The following NRXN3 variants were observed in gnomAD, a reference collection of about 807,000 sequenced individuals.
The protein encoded by NRXN3 is neurexin 3, also known as neurexin III.
Under a neutral mutation model 137.6 loss-of-function variants are expected in NRXN3, and 32 were observed. The observed-to-expected ratio is 0.23, with a 90% CI of 0.18 to 0.31. The LOEUF is 0.31. Among genes scored for constraint, NRXN3 ranks in the 10% least tolerant of loss-of-function variants. NRXN3 has a pLI of 1.00. For synonymous variants in NRXN3, 798 were observed against 784.5 expected (o/e 1.02, Z -0.29); for missense variants, 1,574 against 2,062.5 (o/e 0.76, Z 4.59).
intron 8 of NRXN3, among the ~76,000 whole-genome samples, chr14:78,778,680 TTC>T (rs1364037935): frequency 1.3e-5 from 1 of 77,678 alleles, no homozygotes; most frequent in Non-Finnish European, 2.8e-5. Flanking sequence ...CTCTTTTCTT[TTC>T]TTTCTTTCTT....
chr14:78,625,139 C>T (rs2097445021), intron 4 of NRXN3, among the ~76,000 whole-genome samples: 1 of 152,224 alleles, frequency 6.6e-6, no homozygotes, highest in African/African-American at 2.4e-5. Flanking sequence ...CGCACCTGGT[C>T]CCTGTTCCTT....
At chr14:78,663,372 A>C (rs1182489962) in intron 6 of NRXN3, among the ~76,000 whole-genome samples, 2 of 152,106 alleles carry the variant, frequency 1.3e-5, no homozygotes, top group Middle Eastern at 3.2e-3. Context: ...TATTTCTTTC[A>C]CCTTGCCATT....
intron 4 of NRXN3, among the ~76,000 whole-genome samples, chr14:78,421,393 C>A (rs958437586): frequency 6.6e-6 from 1 of 151,996 alleles, no homozygotes; most frequent in African/African-American, 2.4e-5. Flanking sequence ...TTCCACTGGT[C>A]TAACAAGGAG....
At chr14:79,417,518 G>T (rs2095514153) in intron 15 of NRXN3, among the ~76,000 whole-genome samples, 1 of 152,068 alleles carries the variant, frequency 6.6e-6, no homozygotes, top group Non-Finnish European at 1.5e-5. Flanking sequence ...TGCTGCTGCT[G>T]CTACCATGGC....
intron 4 of NRXN3, among the ~76,000 whole-genome samples, chr14:78,419,963 A>G (rs868819686): frequency 2.5e-3 from 78 of 31,092 alleles, no homozygotes; most frequent in Middle Eastern, 0.016. Context: ...GCGCGCACGC[A>G]CACACACACA....
chr14:79,002,415 G>A (rs1264741036), intron 15 of NRXN3, among the ~76,000 whole-genome samples: 8 of 152,000 alleles, frequency 5.3e-5, no homozygotes, highest in Admixed American at 5.2e-4. Context: ...TCCTCTCCCT[G>A]TGTCCACGTG....
chr14:79,757,152 C>T (rs921689090), intron 19 of NRXN3, among the ~76,000 whole-genome samples: 2 of 152,134 alleles, frequency 1.3e-5, no homozygotes, highest in Admixed American at 1.3e-4. Context: ...CTCTCCAAGC[C>T]GTCTGATTAA....
intron 19 of NRXN3, among the ~76,000 whole-genome samples, chr14:79,772,977 A>G (rs2099083941): frequency 6.6e-6 from 1 of 152,246 alleles, no homozygotes; most frequent in South Asian, 2.1e-4. Context: ...GGATATGAAC[A>G]GACACTTCTC....
At chr14:79,095,943 C>T (rs1291743340) in intron 15 of NRXN3, among the ~76,000 whole-genome samples, 1 of 152,076 alleles carries the variant, frequency 6.6e-6, no homozygotes, top group Non-Finnish European at 1.5e-5. Context: ...AAGAGTACTT[C>T]CTATGCTGGA....
chr14:78,892,790 G>A (rs941139224), intron 10 of NRXN3, among the ~76,000 whole-genome samples: 2 of 147,376 alleles, frequency 1.4e-5, no homozygotes, highest in African/African-American at 5.3e-5. Context: ...GTGTGTGTGT[G>A]TGTGTGTGTG....
chr14:78,237,528 A>T (rs1285719407), intron 1 of NRXN3, among the ~76,000 whole-genome samples: 2 of 152,128 alleles, frequency 1.3e-5, no homozygotes, highest in Non-Finnish European at 2.9e-5. Context: ...TTTGAGCTTC[A>T]CTCTAATAAT....
intron 8 of NRXN3, among the ~76,000 whole-genome samples, chr14:78,772,046 A>G (rs1192209573): frequency 6.6e-6 from 1 of 152,146 alleles, no homozygotes; most frequent in African/African-American, 2.4e-5. Flanking sequence ...AATTTTATAC[A>G]ATATTTTAAT....
intron 4 of NRXN3, among the ~76,000 whole-genome samples, chr14:78,412,861 A>G (rs1362223139): frequency 6.6e-6 from 1 of 152,222 alleles, no homozygotes; most frequent in Non-Finnish European, 1.5e-5. Flanking sequence ...GAGGTTGGGA[A>G]GCCAGCAGAG....
intron 20 of NRXN3, among the ~76,000 whole-genome samples, chr14:79,859,851 C>T (rs114623499): frequency 2.4e-3 from 361 of 152,140 alleles, no homozygotes; most frequent in Middle Eastern, 0.014. Context: ...AGCATCCCTG[C>T]GAGTGGATTT....
chr14:78,713,892 G>C (rs970112731), intron 7 of NRXN3, among the ~76,000 whole-genome samples: 1 of 152,162 alleles, frequency 6.6e-6, no homozygotes, highest in African/African-American at 2.4e-5. Flanking sequence ...AACATGCAGG[G>C]ATTATGGGAA....
intron 6 of NRXN3, among the ~76,000 whole-genome samples, chr14:78,661,166 A>T (rs61976147): frequency 0.055 from 8,304 of 152,282 alleles, 271 homozygotes; most frequent in Middle Eastern, 0.14. Context: ...TTGGAGTGCA[A>T]TATTAACAGA....
chr14:78,631,337 T>C (rs1284231797), intron 4 of NRXN3, among the ~76,000 whole-genome samples: 1 of 152,220 alleles, frequency 6.6e-6, no homozygotes, highest in East Asian at 1.9e-4. Flanking sequence ...GATTCATTCA[T>C]CTACAAAGTG....
intron 19 of NRXN3, among the ~76,000 whole-genome samples, chr14:79,783,977 AAAT>A (rs1227427527): frequency 1.3e-5 from 2 of 152,220 alleles, no homozygotes; most frequent in Non-Finnish European, 2.9e-5. Flanking sequence ...TCCTGAGAGA[AAAT>A]ATTATTCTCC....
intron 4 of NRXN3, among the ~76,000 whole-genome samples, chr14:78,639,076 C>T (rs1291081329): frequency 6.6e-6 from 1 of 152,206 alleles, no homozygotes; most frequent in Non-Finnish European, 1.5e-5. Context: ...CAATATAGCC[C>T]CTGCTGGGTT....
Sources: gnomAD v4.1 joint callset for allele counts (sites outside exome capture counted in the v4.1 genomes callset) on GRCh38, gnomAD v4.1.1 for gene constraint, MANE v1.5 for transcripts, NCBI Gene and HGNC (gene_info 2026-07-23, HGNC 2026-07-21) for gene names.